The following NPAS3 variants were observed in gnomAD, a reference collection of about 807,000 sequenced individuals.
The protein encoded by NPAS3 is neuronal PAS domain protein 3.
Under a neutral mutation model 73.1 loss-of-function variants are expected in NPAS3, and 14 were observed. That is an observed-to-expected ratio of 0.19 (90% CI 0.13 to 0.30). The LOEUF (loss-of-function observed/expected upper bound fraction) is 0.30, where lower values mean the gene tolerates loss of function less well. Among genes scored for constraint, NPAS3 ranks in the 10% least tolerant of loss-of-function variants. The pLI, the probability that NPAS3 is intolerant of heterozygous loss-of-function variation, is 1.00. For synonymous variants in NPAS3, 620 were observed against 541.5 expected (o/e 1.14, Z -2.01); for missense variants, 1,096 against 1,250.0 (o/e 0.88, Z 1.86).
chr14:33,682,685 T>G (rs1234284238), intron 6 of NPAS3, among the ~76,000 whole-genome samples: 1 of 152,188 alleles, frequency 6.6e-6, no homozygotes, highest in Non-Finnish European at 1.5e-5. Context: ...GGGAAAAATG[T>G]TCTCCATTGC....
intron 4 of NPAS3, among the ~76,000 whole-genome samples, chr14:33,551,747 C>A (rs1220662700): frequency 6.6e-6 from 1 of 152,134 alleles, no homozygotes; most frequent in Non-Finnish European, 1.5e-5. Context: ...TTATTTATTA[C>A]CCGTGGGGTC....
chr14:33,089,911 G>GGCTTATGAAAT (rs1429687754), intron 2 of NPAS3, among the ~76,000 whole-genome samples: 1 of 152,182 alleles, frequency 6.6e-6, no homozygotes, highest in Admixed American at 6.5e-5. Context: ...CTTCATAAGT[G>GGCTTATGAAAT]AAGGAGAAAT....
At chr14:33,620,204 A>G (rs1296250947) in intron 5 of NPAS3, among the ~76,000 whole-genome samples, 1 of 152,224 alleles carries the variant, frequency 6.6e-6, no homozygotes, top group African/African-American at 2.4e-5. Context: ...CTAATTTAGT[A>G]TGTTGTAAAT....
chr14:33,715,672 A>G (rs749668785), intron 6 of NPAS3, among the ~76,000 whole-genome samples: 39 of 152,162 alleles, frequency 2.6e-4, no homozygotes, highest in Non-Finnish European at 5.1e-4. Flanking sequence ...GGCCTCAGTA[A>G]ATGTACTAAT....
chr14:32,980,938 C>T (rs1015343678), intron 1 of NPAS3, among the ~76,000 whole-genome samples: 69 of 152,254 alleles, frequency 4.5e-4, no homozygotes, highest in African/African-American at 1.6e-3. Flanking sequence ...TACACCCACA[C>T]ACGCATACAC....
At chr14:33,347,831 CA>C (rs2044819182) in intron 3 of NPAS3, among the ~76,000 whole-genome samples, 1 of 151,796 alleles carries the variant, frequency 6.6e-6, no homozygotes, top group Non-Finnish European at 1.5e-5. Context: ...GGAACGATGA[CA>C]AGGAAAAGTC....
chr14:33,064,363 G>C (rs1017351862), intron 2 of NPAS3, among the ~76,000 whole-genome samples: 1 of 152,068 alleles, frequency 6.6e-6, no homozygotes, highest in Non-Finnish European at 1.5e-5. Flanking sequence ...ACAAAGGAAC[G>C]AAATTATGGT....
intron 3 of NPAS3, among the ~76,000 whole-genome samples, chr14:33,268,145 C>T (rs1450210691): frequency 1.3e-5 from 2 of 152,036 alleles, no homozygotes; most frequent in African/African-American, 4.8e-5. Flanking sequence ...TCCCAGTGAC[C>T]TTGTCATTAA....
intron 3 of NPAS3, among the ~76,000 whole-genome samples, chr14:33,227,140 T>G (rs1419596729): frequency 6.6e-6 from 1 of 152,180 alleles, no homozygotes; most frequent in Non-Finnish European, 1.5e-5. Context: ...CTCAGGGACG[T>G]TTGTAAAGTG....
At chr14:33,075,468 ATGC>A (rs1417377119) in intron 2 of NPAS3, among the ~76,000 whole-genome samples, 14 of 152,236 alleles carry the variant, frequency 9.2e-5, no homozygotes, top group African/African-American at 2.9e-4. Flanking sequence ...AGTCCTACAT[ATGC>A]TGCGTTTTCT....
chr14:33,528,378 A>G (rs1159469509), intron 4 of NPAS3, among the ~76,000 whole-genome samples: 1 of 151,810 alleles, frequency 6.6e-6, no homozygotes, highest in Non-Finnish European at 1.5e-5. Flanking sequence ...AGAAGACAGC[A>G]TCTCTGCCTG....
intron 9 of NPAS3, among the ~76,000 whole-genome samples, chr14:33,781,802 A>G (rs895076189): frequency 2.6e-5 from 4 of 152,228 alleles, no homozygotes; most frequent in South Asian, 4.1e-4. Context: ...TAAAAATACT[A>G]TCTTTATCAC....
intron 1 of NPAS3, among the ~76,000 whole-genome samples, chr14:32,964,184 A>G (rs10131176): frequency 0.011 from 1,692 of 149,406 alleles, 32 homozygotes; most frequent in African/African-American, 0.039. Context: ...AAAAAAAAAA[A>G]AGAGAACATT....
intron 4 of NPAS3, among the ~76,000 whole-genome samples, chr14:33,410,728 C>T (rs914047305): frequency 2.0e-5 from 3 of 152,092 alleles, no homozygotes; most frequent in African/African-American, 7.2e-5. Flanking sequence ...TCACTGCAAC[C>T]GTGGCCTCCC....
At chr14:33,582,972 T>TG in intron 5 of NPAS3, among the ~76,000 whole-genome samples, 1 of 143,536 alleles carries the variant, frequency 7.0e-6, no homozygotes, top group South Asian at 2.2e-4. Flanking sequence ...TTTAAAGGGT[T>TG]TTTTTTTTTT....
intron 5 of NPAS3, among the ~76,000 whole-genome samples, chr14:33,651,313 G>A (rs558387015): frequency 2.9e-4 from 44 of 152,258 alleles, no homozygotes; most frequent in African/African-American, 1.1e-3. Context: ...TCTTCTTCCT[G>A]GTACCCCGAT....
At chr14:33,253,019 A>G (rs2048645320) in intron 3 of NPAS3, among the ~76,000 whole-genome samples, 1 of 152,016 alleles carries the variant, frequency 6.6e-6, no homozygotes, top group Non-Finnish European at 1.5e-5. Context: ...TTATCCAGTC[A>G]ACCACTGATG....
intron 2 of NPAS3, among the ~76,000 whole-genome samples, chr14:33,102,024 C>T (rs965680): frequency 0.78 from 119,264 of 151,944 alleles, 46,958 homozygotes; most frequent in African/African-American, 0.85. Context: ...TCCTACCTCC[C>T]GAGTACTTCT....
chr14:33,502,775 T>C (rs2052580027), intron 4 of NPAS3, among the ~76,000 whole-genome samples: 1 of 151,970 alleles, frequency 6.6e-6, no homozygotes, highest in Admixed American at 6.6e-5. Flanking sequence ...TGTCTTACAG[T>C]CTATCCTAAT....
Sources: allele counts gnomAD v4.1 joint callset (sites outside exome capture counted in the v4.1 genomes callset), GRCh38; gene constraint gnomAD v4.1.1; transcripts MANE v1.5; gene names NCBI Gene and HGNC (gene_info 2026-07-23, HGNC 2026-07-21).